The following PLCH1 variants were observed in gnomAD, a reference collection of about 807,000 sequenced individuals.
The protein encoded by PLCH1 is phospholipase C eta 1.
A neutral mutation model predicts 126.7 loss-of-function variants in PLCH1; 60 were observed. The ratio of observed to expected loss-of-function variants is 0.47; its 90% confidence interval spans 0.38 to 0.59. PLCH1 has a LOEUF of 0.59. Among genes scored for constraint, PLCH1 ranks in the 20% least tolerant of loss-of-function variants. The pLI is 0.00. For synonymous variants in PLCH1, 719 were observed against 734.9 expected (o/e 0.98, Z 0.35); for missense variants, 1,723 against 2,040.0 (o/e 0.84, Z 2.99).
chr3:155,568,489 A>T (rs1301556219), intron 6 of PLCH1, among the ~76,000 whole-genome samples, 165 bp from the exon 7 acceptor site: 1 of 152,202 alleles, frequency 6.6e-6, no homozygotes, highest in Non-Finnish European at 1.5e-5. Context: ...TTGGAGAATG[A>T]CCATGATTCA....
chr3:155,466,602 T>C (rs530212532), intron 21 of PLCH1, among the ~76,000 whole-genome samples: 1 of 152,122 alleles, frequency 6.6e-6, no homozygotes, highest in Non-Finnish European at 1.5e-5. Flanking sequence ...TCTACTAGCA[T>C]CAACACCATC....
At chr3:155,463,484 G>T (rs1053576214) in intron 21 of PLCH1, among the ~76,000 whole-genome samples, 10 of 152,116 alleles carry the variant, frequency 6.6e-5, no homozygotes, top group Admixed American at 2.0e-4. Context: ...TGGTGTGTAG[G>T]GGAAAGAGGA....
intron 21 of PLCH1, among the ~76,000 whole-genome samples, chr3:155,469,080 G>A (rs1306531683): frequency 6.6e-6 from 1 of 152,172 alleles, no homozygotes; most frequent in Non-Finnish European, 1.5e-5. Flanking sequence ...GAGCCAAGAT[G>A]GCCGAATAGG....
chr3:155,684,180 T>C (rs1265239501), intron 2 of PLCH1, among the ~76,000 whole-genome samples: 1 of 152,170 alleles, frequency 6.6e-6, no homozygotes, highest in Non-Finnish European at 1.5e-5. Flanking sequence ...GCAAACCCCC[T>C]ACCCCCTTAT....
chr3:155,514,198 C>A (rs1050710103), intron 12 of PLCH1, among the ~76,000 whole-genome samples: 1 of 152,188 alleles, frequency 6.6e-6, no homozygotes, highest in African/African-American at 2.4e-5. Context: ...ATTAGGATTT[C>A]TAAGTTTAGA....
At chr3:155,609,205 C>T (rs545024674) in intron 2 of PLCH1, among the ~76,000 whole-genome samples, 1 of 152,316 alleles carries the variant, frequency 6.6e-6, no homozygotes, top group East Asian at 1.9e-4. Flanking sequence ...CATGAAGATG[C>T]CTGACATCAC....
At chr3:155,674,705 A>G (rs919463327) in intron 2 of PLCH1, among the ~76,000 whole-genome samples, 7 of 152,184 alleles carry the variant, frequency 4.6e-5, no homozygotes, top group African/African-American at 1.7e-4. Context: ...GAAAACATCT[A>G]CCTTGAAACA....
intron 2 of PLCH1, among the ~76,000 whole-genome samples, chr3:155,625,146 G>T (rs1577175804): frequency 6.6e-6 from 1 of 152,146 alleles, no homozygotes; most frequent in Non-Finnish European, 1.5e-5. Flanking sequence ...ATGGGGAAAG[G>T]ATTCCTTATT....
intron 10 of PLCH1, among the ~76,000 whole-genome samples, chr3:155,547,496 T>C (rs1725512133): frequency 2.1e-5 from 3 of 142,408 alleles, no homozygotes; most frequent in Admixed American, 2.1e-4. Flanking sequence ...TCCTCAGGGA[T>C]CTATAACTAG....
chr3:155,496,526 G>A (rs375850868), intron 15 of PLCH1, among the ~76,000 whole-genome samples: 1 of 152,106 alleles, frequency 6.6e-6, no homozygotes, highest in African/African-American at 2.4e-5. Flanking sequence ...GCTGGGCAGG[G>A]GGAGATGGGA....
chr3:155,602,458 A>G (rs1205954543), intron 2 of PLCH1, among the ~76,000 whole-genome samples: 4 of 152,180 alleles, frequency 2.6e-5, no homozygotes, highest in African/African-American at 9.7e-5. Flanking sequence ...ACAGAAAGTA[A>G]CACAGTCCTG....
chr3:155,494,467 C>G lies in PLCH1; in HGVS notation c.1945G>C (p.Val649Leu), dbSNP rs201296379. 1 of 1,614,066 alleles carries G rather than the reference C, an allele frequency of 6.2e-7. No homozygotes were observed. Among genetic ancestry groups the G allele is most frequent in the East Asian group, 2.2e-5 (1 of 44,890 alleles). Reference sequence around the variant, plus strand: ...ATGAACTGCTCTGATTTTTGCTGAACAACCTGATGTGCTCTTGTTTCACTG... The same window carrying G: ...ATGAACTGCTCTGATTTTTGCTGAAGAACCTGATGTGCTCTTGTTTCACTG... Reference protein sequence around the residue: ...SFSETRAHQVVQQKSEQFMIY... With the variant: ...SFSETRAHQVLQQKSEQFMIY... The change falls in exon 16 of 23, where the codon GTT becomes CTT. Residue 649 changes from valine to leucine, a missense_variant. This residue lies in a region of PLCH1 where 776 missense variants were observed against 1,062.9 expected (regional missense o/e 0.73). Coordinates refer to ENST00000460012, the MANE Select transcript of PLCH1 (RefSeq NM_014996.4).
chr3:155,619,107 C>A (rs965426143), intron 2 of PLCH1, among the ~76,000 whole-genome samples: 1 of 147,942 alleles, frequency 6.8e-6, no homozygotes, highest in Admixed American at 6.8e-5. Flanking sequence ...ATGTCAATTT[C>A]TATTACACTG....
rs533496065 is a variant in PLCH1, at chr3:155,454,335, C to T, written c.2938+31021G>A. 2.0e-5 allele frequency among the ~76,000 whole-genome samples: 3 copies of T among 151,886 alleles called. No homozygotes were observed. In the South Asian group the frequency reaches 6.2e-4, roughly 32 times the overall value. The stretch of plus-strand genomic sequence containing the variant: ...GCAACATGACAAAACAGCATCTCAA[C>T]AAAAAAATACAAAAATTAGCTGGAC... On this transcript the variant is annotated intron_variant, in intron 21 of 21. Coordinates refer to the PLCH1 transcript ENST00000494598.
intron 6 of PLCH1, among the ~76,000 whole-genome samples, chr3:155,570,962 TTCTTTAGTCTCA>T (rs1403090929): frequency 1.3e-5 from 2 of 152,186 alleles, no homozygotes; most frequent in African/African-American, 4.8e-5. Flanking sequence ...TTTACTGTAG[TTCTTTAGTCTCA>T]TCCAGAAGAG....
At chr3:155,504,259 C>T (rs1001405282) in intron 13 of PLCH1, among the ~76,000 whole-genome samples, 8 of 152,004 alleles carry the variant, frequency 5.3e-5, no homozygotes, top group Non-Finnish European at 7.3e-5. Flanking sequence ...GTTTTAATAA[C>T]ACATACCCAT....
intron 2 of PLCH1, among the ~76,000 whole-genome samples, chr3:155,654,737 G>A (rs1741154171): frequency 6.6e-6 from 1 of 152,114 alleles, no homozygotes; most frequent in Admixed American, 6.5e-5. Context: ...ATAATATCAT[G>A]ACTGGTCTCC....
intron 2 of PLCH1, among the ~76,000 whole-genome samples, chr3:155,625,011 A>C (rs1737051732): frequency 6.6e-6 from 1 of 152,206 alleles, no homozygotes; most frequent in African/African-American, 2.4e-5. Context: ...GCCTACAGTA[A>C]CCAAAACAAC....
chr3:155,593,889 C>G lies in PLCH1; in HGVS notation c.470+52G>C, dbSNP rs770078062. 3 of 1,572,850 alleles carry G rather than the reference C, an allele frequency of 1.9e-6. No homozygotes were observed. The Admixed American group carries it at 5.1e-5, about 27-fold the overall frequency. On this transcript the variant is annotated intron_variant, in intron 4 of 22. Coordinates refer to ENST00000460012, the MANE Select transcript of PLCH1 (RefSeq NM_014996.4). ...AATCCTTACTTCACAAATGCACACA[C>G]GCATACACAGAGAGCAAGAGAGAGC...
Sources: gnomAD v4.1 joint callset for allele counts (sites outside exome capture counted in the v4.1 genomes callset) on GRCh38, gnomAD v4.1.1 for gene constraint, gnomAD v4.1.1 regional missense constraint, MANE v1.5 for transcripts, NCBI Gene and HGNC (gene_info 2026-07-23, HGNC 2026-07-21) for gene names.